Variants in XYLT1 observed in about 807,000 individuals in gnomAD.
The protein encoded by XYLT1 is xylosyltransferase 1, also known as beta-D-xylosyltransferase 1.
Under a neutral mutation model 91.3 loss-of-function variants are expected in XYLT1, and 36 were observed. The ratio of observed to expected loss-of-function variants is 0.39; its 90% CI spans 0.30 to 0.52. The LOEUF (loss-of-function observed/expected upper bound fraction) is 0.52, where lower values mean the gene tolerates loss of function less well. Ranked by LOEUF, XYLT1 falls within the 20% of genes least tolerant of loss-of-function variation. The pLI, the probability that XYLT1 is intolerant of heterozygous loss-of-function variation, is 0.68. For missense variants in XYLT1, 1,242 were observed against 1,284.5 expected (o/e 0.97, Z 0.51); for synonymous variants, 588 against 532.0 (o/e 1.11, Z -1.45).
chr16:17,345,433 G>A (rs1429459707), intron 2 of XYLT1, among the ~76,000 whole-genome samples: 1 of 152,216 alleles, frequency 6.6e-6, no homozygotes, highest in Non-Finnish European at 1.5e-5. Flanking sequence ...TGTGGCACAG[G>A]GATGCAGGAG....
intron 3 of XYLT1, among the ~76,000 whole-genome samples, chr16:17,241,216 C>T (rs557482041): frequency 7.2e-5 from 11 of 152,342 alleles, no homozygotes; most frequent in South Asian, 2.1e-4. Flanking sequence ...TCCTTGATAG[C>T]GTTTCATGCA....
intron 2 of XYLT1, among the ~76,000 whole-genome samples, chr16:17,278,275 G>A (rs979365775): frequency 6.6e-6 from 1 of 152,098 alleles, no homozygotes; most frequent in Non-Finnish European, 1.5e-5. Context: ...CCGGTGGACC[G>A]CAGTTGTTCA....
At chr16:17,223,060 G>A (rs1024880227) in intron 3 of XYLT1, among the ~76,000 whole-genome samples, 1 of 151,442 alleles carries the variant, frequency 6.6e-6, no homozygotes, top group South Asian at 2.1e-4. Flanking sequence ...AAGAAAGGCT[G>A]ACATTTGTTA....
intron 2 of XYLT1, among the ~76,000 whole-genome samples, chr16:17,267,835 G>A (rs1428192910): frequency 6.6e-6 from 1 of 152,112 alleles, no homozygotes; most frequent in Non-Finnish European, 1.5e-5. Flanking sequence ...TTCCTTCTCT[G>A]TAAAATGGGG....
At chr16:17,195,211 C>A (rs979968647) in intron 5 of XYLT1, among the ~76,000 whole-genome samples, 1 of 152,152 alleles carries the variant, frequency 6.6e-6, no homozygotes, top group African/African-American at 2.4e-5. Context: ...ACGCATCCTG[C>A]AATGCACAGG....
intron 5 of XYLT1, among the ~76,000 whole-genome samples, chr16:17,188,200 C>G (rs571860314): frequency 3.3e-4 from 50 of 152,214 alleles, no homozygotes; most frequent in African/African-American, 1.1e-3. Flanking sequence ...GAAGCAACTG[C>G]TTGTGATCTG....
At chr16:17,432,061 C>T (rs776610573) in intron 1 of XYLT1, among the ~76,000 whole-genome samples, 15 of 152,100 alleles carry the variant, frequency 9.9e-5, no homozygotes, top group Admixed American at 2.6e-4. Context: ...AACCTCTTCA[C>T]CATCCAGTTT....
chr16:17,447,407 C>T (rs1266795302), intron 1 of XYLT1, among the ~76,000 whole-genome samples: 2 of 152,222 alleles, frequency 1.3e-5, no homozygotes, highest in Admixed American at 1.3e-4. Context: ...GCATTCTAGA[C>T]CCTGTGCCAG....
Position 17,365,556 on chromosome 16 carries a change from T to C in XYLT1, c.364-7506A>G, listed in dbSNP as rs895725153. Among the ~76,000 whole-genome samples, 4 of 152,082 alleles carry C rather than the reference T, an allele frequency of 2.6e-5. No homozygotes were observed. In the South Asian group the frequency reaches 6.2e-4, roughly 24 times the overall value. On this transcript the variant is annotated intron_variant, in intron 1 of 11. Transcript: ENST00000261381. ...AAACCCCACAGAGAGAACAAGGGGA[T>C]TCTCAATGTTTTACAGAAACGTTGG...
intron 1 of XYLT1, among the ~76,000 whole-genome samples, chr16:17,416,936 G>A (rs1181616754): frequency 6.6e-6 from 1 of 152,178 alleles, no homozygotes; most frequent in Admixed American, 6.5e-5. Context: ...CTAACGAGGT[G>A]GCTGGTGTTG....
At chr16:17,314,133 C>T (rs774657302) in intron 2 of XYLT1, among the ~76,000 whole-genome samples, 15 of 152,286 alleles carry the variant, frequency 9.8e-5, no homozygotes, top group East Asian at 3.9e-4. Context: ...ATTCTAAAGT[C>T]GACTCTTGTC....
chr16:17,108,897 C>T lies in XYLT1; in HGVS notation c.2678G>A (p.Arg893Lys). 6.2e-7 allele frequency: 1 copy of T among 1,609,618 alleles called. No homozygotes were observed. The part of the protein sequence containing the change: ...INPAQVEQAR[R>K]NAASTGTALE... ...CGCTGTGCCCGTGGAGGCTGCGTTC[C>T]TCCGTGCCTGTTCCACCTGGGCGGG... Residue 893 changes from arginine to lysine, a missense_variant, in exon 12 of 12, where the codon AGG becomes AAG. Physicochemically the swap from Arg to Lys is conservative, Grantham distance 26 (BLOSUM62 2). Coordinates refer to ENST00000261381, the MANE Select transcript of XYLT1 (RefSeq NM_022166.4).
intron 2 of XYLT1, among the ~76,000 whole-genome samples, chr16:17,346,102 A>G (rs2035140748): frequency 6.6e-6 from 1 of 152,100 alleles, no homozygotes; most frequent in South Asian, 2.1e-4. Context: ...TGAGCCACCG[A>G]GCCCGGCCTA....
chr16:17,448,138 C>T (rs1028218603), intron 1 of XYLT1, among the ~76,000 whole-genome samples: 23 of 152,170 alleles, frequency 1.5e-4, no homozygotes, highest in African/African-American at 5.3e-4. Flanking sequence ...GAGGCCAAGG[C>T]GGGTGGATCA....
At chr16:17,341,268 A>G (rs1223279340) in intron 2 of XYLT1, among the ~76,000 whole-genome samples, 1 of 152,210 alleles carries the variant, frequency 6.6e-6, no homozygotes, top group African/African-American at 2.4e-5. Flanking sequence ...TCAGTGAAAT[A>G]GATGATGAAA....
At chr16:17,392,956 G>A (rs34770254) in intron 1 of XYLT1, among the ~76,000 whole-genome samples, 62,746 of 151,998 alleles carry the variant, frequency 0.41, 13,635 homozygotes, top group Middle Eastern at 0.5. Context: ...CAAGATGTGG[G>A]TTCGGTAAGA....
At chr16:17,216,153 C>T (rs4782021) in intron 3 of XYLT1, among the ~76,000 whole-genome samples, 17 of 152,116 alleles carry the variant, frequency 1.1e-4, no homozygotes, top group Admixed American at 5.9e-4. Context: ...GCCTTCCTGT[C>T]GCTTGACATT....
intron 1 of XYLT1, among the ~76,000 whole-genome samples, chr16:17,466,658 T>C (rs1378925647): frequency 6.6e-6 from 1 of 152,230 alleles, no homozygotes. Flanking sequence ...AGAGAACGTC[T>C]AAAGTATGAA....
intron 5 of XYLT1, among the ~76,000 whole-genome samples, chr16:17,164,037 TCAAAAAAAAAAA>T (rs1567303300): frequency 2.2e-4 from 1 of 4,538 alleles, no homozygotes; most frequent in African/African-American, 3.4e-4. Flanking sequence ...AAACTCTGTC[TCAAAAAAAAAAA>T]AAAAAAAAAA....
Sources: gnomAD v4.1 joint callset for allele counts (sites outside exome capture counted in the v4.1 genomes callset) on GRCh38, gnomAD v4.1.1 for gene constraint, MANE v1.5 for transcripts, NCBI Gene and HGNC (gene_info 2026-07-23, HGNC 2026-07-21) for gene names.